Variants in TCERG1L observed in about 807,000 individuals in gnomAD.
The protein encoded by TCERG1L is transcription elongation regulator 1 like.
Under a neutral mutation model 56.3 loss-of-function variants are expected in TCERG1L, and 37 were observed. That is an observed-to-expected ratio of 0.66 (90% CI 0.51 to 0.87). The LOEUF (loss-of-function observed/expected upper bound fraction) is 0.87. Ranked by LOEUF, TCERG1L falls within the 40% of genes least tolerant of loss-of-function variation. The pLI is 0.00. For missense variants in TCERG1L, 799 were observed against 774.2 expected, an observed-to-expected ratio of 1.03 and a Z score of -0.38; for synonymous variants, 324 against 326.3, an observed-to-expected ratio of 0.99 and a Z score of 0.08.
Position 131,146,775 on chromosome 10 carries a change from A to G in TCERG1L, c.1035-115T>C. 2.4e-6 allele frequency: 3 copies of G among 1,246,532 alleles called. No individual in the cohort carries two copies. In the South Asian group the frequency reaches 4.9e-5, roughly 21 times the overall value. The allele number at this position is 1,246,532 out of a possible 1,614,324, so 77.2% of individuals were successfully genotyped here. A position where few individuals can be genotyped will look rare whatever the true frequency, so the allele number is the denominator to read the frequency against. ...AGGACCGAAATCCACACATTTGCAA[A>G]GCTTGTTTATGGATAGTATGAATAC... is the stretch of plus-strand genomic sequence containing the variant. On this transcript the variant is annotated intron_variant, in intron 6 of 11. Coordinates refer to ENST00000368642, the MANE Select transcript of TCERG1L (RefSeq NM_174937.4).
At chr10:131,150,526 C>T (rs533889386) in intron 6 of TCERG1L, among the ~76,000 whole-genome samples, 1 of 152,322 alleles carries the variant, frequency 6.6e-6, no homozygotes, top group African/African-American at 2.4e-5. Flanking sequence ...GCTTTCCTAA[C>T]TTGGTAACTC....
chr10:131,218,270 G>A (rs935478223), intron 4 of TCERG1L, among the ~76,000 whole-genome samples: 1 of 152,146 alleles, frequency 6.6e-6, no homozygotes, highest in East Asian at 1.9e-4. Context: ...ACATCTAACC[G>A]ATACGTGCAT....
intron 7 of TCERG1L, among the ~76,000 whole-genome samples, chr10:131,143,640 G>A (rs905729877): frequency 1.4e-4 from 22 of 152,162 alleles, no homozygotes; most frequent in Admixed American, 1.3e-3. Context: ...CGAAGACAGC[G>A]AGAGAACCAC....
chr10:131,298,132 T>G (rs1846718344), intron 3 of TCERG1L, among the ~76,000 whole-genome samples: 1 of 137,820 alleles, frequency 7.3e-6, no homozygotes, highest in Non-Finnish European at 1.6e-5. Flanking sequence ...GCTTAGATCA[T>G]TAATTTGAGG....
chr10:131,154,607 C>T (rs1845899833), intron 6 of TCERG1L, among the ~76,000 whole-genome samples: 1 of 152,224 alleles, frequency 6.6e-6, no homozygotes, highest in African/African-American at 2.4e-5. Flanking sequence ...AAGGGCCCAA[C>T]CTAGGCAGGA....
At chr10:131,145,865 C>T (rs1225528144) in intron 7 of TCERG1L, among the ~76,000 whole-genome samples, 2 of 152,210 alleles carry the variant, frequency 1.3e-5, no homozygotes, top group Admixed American at 6.5e-5. Flanking sequence ...GGAGGGCTTT[C>T]CCCACGCAGC....
intron 4 of TCERG1L, among the ~76,000 whole-genome samples, chr10:131,193,893 G>A (rs1845330185): frequency 6.6e-6 from 1 of 152,142 alleles, no homozygotes; most frequent in Non-Finnish European, 1.5e-5. Context: ...TATGAGTCTT[G>A]CTGGAAAGCA....
chr10:131,223,695 G>C (rs61861219), intron 4 of TCERG1L, among the ~76,000 whole-genome samples: 35 of 75,128 alleles, frequency 4.7e-4, no homozygotes, highest in East Asian at 9.4e-4. Context: ...CACGCATACA[G>C]ACACACACAC....
intron 4 of TCERG1L, among the ~76,000 whole-genome samples, chr10:131,242,810 T>C (rs1252420199): frequency 6.6e-6 from 1 of 152,210 alleles, no homozygotes; most frequent in Non-Finnish European, 1.5e-5. Flanking sequence ...GTTTATTTAT[T>C]GACTCATTAA....
intron 8 of TCERG1L, among the ~76,000 whole-genome samples, chr10:131,127,677 C>T (rs1845577450): frequency 6.6e-6 from 1 of 152,182 alleles, no homozygotes; most frequent in African/African-American, 2.4e-5. Flanking sequence ...AACACAGCCC[C>T]CCGTCACAAT....
intron 4 of TCERG1L, among the ~76,000 whole-genome samples, chr10:131,233,533 C>T (rs1220134545): frequency 6.6e-6 from 1 of 152,058 alleles, no homozygotes. Context: ...TGATGCATTG[C>T]GGCTTTTGTT....
intron 3 of TCERG1L, among the ~76,000 whole-genome samples, chr10:131,272,908 G>A (rs1240816145): frequency 6.6e-6 from 1 of 152,214 alleles, no homozygotes; most frequent in Admixed American, 6.5e-5. Flanking sequence ...GTTGTTTAGA[G>A]GACCAAATGG....
At chr10:131,223,594 ACACT>A (rs1485346446) in intron 4 of TCERG1L, among the ~76,000 whole-genome samples, 14 of 152,248 alleles carry the variant, frequency 9.2e-5, no homozygotes, top group Non-Finnish European at 1.3e-4. Context: ...ACATGTGTGC[ACACT>A]CACCCACATG....
Position 131,267,604 on chromosome 10 carries a change from T to G in TCERG1L, c.671-7160A>C, listed in dbSNP as rs1475622680. Among the ~76,000 whole-genome samples, 2 of 152,192 alleles carry G rather than the reference T, an allele frequency of 1.3e-5. No individual in the cohort carries two copies. The highest frequency in any genetic ancestry group is 2.4e-5 in the African/African-American group (1 of 41,458). On this transcript the variant is annotated intron_variant, in intron 3 of 11. Coordinates refer to ENST00000368642, the MANE Select transcript of TCERG1L (RefSeq NM_174937.4). This position sits in a 1 kb window ranked among gnomAD's most constrained non-coding sequence, Gnocchi z 4.9. ...CCCGATGTTCCTGGGGCTGGTCCCA[T>G]GAGTCCTGGCTGCAACTTTGGCCGG...
At chr10:131,276,675 G>A (rs181203683) in intron 3 of TCERG1L, among the ~76,000 whole-genome samples, 1 of 152,152 alleles carries the variant, frequency 6.6e-6, no homozygotes, top group East Asian at 1.9e-4. Flanking sequence ...AAATTAAGAT[G>A]ATTAAATGCC....
rs146128811 is a variant in TCERG1L, at chr10:131,123,548, C to T, written c.1260-6614G>A. Among the ~76,000 whole-genome samples, 301 of 152,236 alleles carry T rather than the reference C, an allele frequency of 2.0e-3. 1 individual carries two copies. The highest frequency in any genetic ancestry group is 7.0e-3 in the African/African-American group (290 of 41,538). On this transcript the variant is annotated intron_variant, in intron 8 of 11. Transcript: ENST00000368642. ...GTGGGGGGCAGTGCTCAGAGGTCTG[C>T]GAGGATGCAGATCCTGATGTCTCCT...
chr10:131,106,553 G>A (rs952095301), intron 9 of TCERG1L, among the ~76,000 whole-genome samples: 3 of 152,154 alleles, frequency 2.0e-5, no homozygotes, highest in Non-Finnish European at 4.4e-5. Flanking sequence ...GCCAATGAAG[G>A]TGCAGGGAAG....
At chr10:131,153,479 G>A (rs1271046858) in intron 6 of TCERG1L, among the ~76,000 whole-genome samples, 1 of 152,160 alleles carries the variant, frequency 6.6e-6, no homozygotes, top group Non-Finnish European at 1.5e-5. Flanking sequence ...TGCTCCAGGC[G>A]GCCCTATCCA....
At chr10:131,236,394 T>G (rs954965843) in intron 4 of TCERG1L, among the ~76,000 whole-genome samples, 1 of 152,178 alleles carries the variant, frequency 6.6e-6, no homozygotes, top group African/African-American at 2.4e-5. Flanking sequence ...ATGGACCACA[T>G]GACACAGCCA....
Sources: gnomAD v4.1 joint callset for allele counts (sites outside exome capture counted in the v4.1 genomes callset) on GRCh38, gnomAD v4.1.1 for gene constraint, Gnocchi (gnomAD v3.1) non-coding constraint, MANE v1.5 for transcripts, NCBI Gene and HGNC (gene_info 2026-07-23, HGNC 2026-07-21) for gene names.